Variants in REDIC1 observed in about 807,000 individuals in gnomAD.
The protein encoded by REDIC1 is HEI10 Interacting Protein 1.
At chr12:39,723,400 C>T in the REDIC1 span, among the ~76,000 whole-genome samples, 2 of 151,834 alleles carry the variant, frequency 1.3e-5, no homozygotes, top group South Asian at 2.1e-4. Flanking sequence ...ATTCCTTAGA[C>T]GCTTTAAGGA....
the REDIC1 span, among the ~76,000 whole-genome samples, chr12:39,892,750 G>A: frequency 6.6e-6 from 1 of 152,026 alleles, no homozygotes; most frequent in Non-Finnish European, 1.5e-5. Flanking sequence ...CCAAAGTAGT[G>A]ACAGAAAAGC....
the REDIC1 span, among the ~76,000 whole-genome samples, chr12:39,654,943 C>T: frequency 1.3e-5 from 2 of 152,044 alleles, no homozygotes; most frequent in Admixed American, 1.3e-4. Flanking sequence ...CTAGTTTGTT[C>T]TTGAGTCAAT....
chr12:39,889,664 C>T, the REDIC1 span, among the ~76,000 whole-genome samples: 1 of 151,178 alleles, frequency 6.6e-6, no homozygotes, highest in Non-Finnish European at 1.5e-5. Context: ...TCCTGAGTAG[C>T]TGGGACTACA....
the REDIC1 span, among the ~76,000 whole-genome samples, chr12:39,818,610 C>G: frequency 6.6e-6 from 1 of 152,132 alleles, no homozygotes; most frequent in African/African-American, 2.4e-5. Context: ...TTGTAATCAC[C>G]TTTGAAATTC....
chr12:39,743,971 C>A, the REDIC1 span, among the ~76,000 whole-genome samples: 1 of 151,800 alleles, frequency 6.6e-6, no homozygotes, highest in African/African-American at 2.4e-5. Flanking sequence ...CAAACAAAAC[C>A]CCACAGATAT....
At chr12:39,685,709 C>T in the REDIC1 span, among the ~76,000 whole-genome samples, 2 of 152,292 alleles carry the variant, frequency 1.3e-5, no homozygotes, top group East Asian at 3.9e-4. Flanking sequence ...TCTCCAAAGT[C>T]TTAACTCACT....
At chr12:39,697,009 A>C in the REDIC1 span, among the ~76,000 whole-genome samples, 6 of 152,224 alleles carry the variant, frequency 3.9e-5, no homozygotes, top group Admixed American at 6.5e-5. Context: ...ATATCCAAGT[A>C]TAAGAAGGTT....
the REDIC1 span, among the ~76,000 whole-genome samples, chr12:39,800,333 C>T: frequency 1.3e-4 from 20 of 152,112 alleles, no homozygotes; most frequent in South Asian, 2.7e-3. Context: ...GGATTGAATT[C>T]GCAACCTACT....
the REDIC1 span, among the ~76,000 whole-genome samples, chr12:39,784,679 A>G: frequency 2.0e-5 from 3 of 152,244 alleles, no homozygotes; most frequent in East Asian, 5.8e-4. Flanking sequence ...GGACTTCATG[A>G]CTAAAACACC....
chr12:39,794,628 T>C, the REDIC1 span, among the ~76,000 whole-genome samples: 3 of 152,144 alleles, frequency 2.0e-5, no homozygotes, highest in Non-Finnish European at 4.4e-5. Context: ...AATCCAGCTG[T>C]TTTTGTACTT....
chr12:39,780,355 T>C, the REDIC1 span, among the ~76,000 whole-genome samples: 1 of 152,184 alleles, frequency 6.6e-6, no homozygotes, highest in Non-Finnish European at 1.5e-5. Flanking sequence ...TCTTACTTTT[T>C]ATGGAATTTG....
the REDIC1 span, among the ~76,000 whole-genome samples, chr12:39,780,221 T>C: frequency 6.6e-6 from 1 of 152,222 alleles, no homozygotes; most frequent in Admixed American, 6.5e-5. Flanking sequence ...TTTTTAAATA[T>C]AGTGACTTCC....
the REDIC1 span, chr12:39,646,281 A>C: frequency 3.5e-5 from 22 of 625,162 alleles, 1 homozygote; most frequent in South Asian, 1.1e-3. Flanking sequence ...TACTTTTACA[A>C]TTTTTTATTC....
the REDIC1 span, among the ~76,000 whole-genome samples, chr12:39,844,536 T>A: frequency 0.083 from 12,640 of 152,078 alleles, 698 homozygotes; most frequent in Non-Finnish European, 0.1. Context: ...GTGTTCTTTT[T>A]AGAAAAGAAA....
At chr12:39,764,326 C>T in the REDIC1 span, 1 of 768,382 alleles carries the variant, frequency 1.3e-6, no homozygotes, top group East Asian at 2.9e-5. Flanking sequence ...CTTTGGAGGA[C>T]AAGAAAGCCA....
chr12:39,712,151 TAC>T, the REDIC1 span, among the ~76,000 whole-genome samples: 1 of 143,684 alleles, frequency 7.0e-6, no homozygotes, highest in Non-Finnish European at 1.5e-5. Flanking sequence ...CATACATCTA[TAC>T]ATGTATATGT....
chr12:39,704,857 G>A, the REDIC1 span, among the ~76,000 whole-genome samples: 1 of 151,958 alleles, frequency 6.6e-6, no homozygotes, highest in African/African-American at 2.4e-5. Flanking sequence ...TCACTCATAG[G>A]TGGGAATTGA....
At chr12:39,836,524 A>T in the REDIC1 span, among the ~76,000 whole-genome samples, 918 of 151,822 alleles carry the variant, frequency 6.0e-3, 8 homozygotes, top group African/African-American at 0.021. Context: ...AAGGGTATTC[A>T]ATTAGGAAAA....
At chr12:39,643,266 AAAAC>A in the REDIC1 span, among the ~76,000 whole-genome samples, 1 of 151,740 alleles carries the variant, frequency 6.6e-6, no homozygotes, top group African/African-American at 2.4e-5. Flanking sequence ...TCTTGTTAAA[AAAAC>A]AAACATCTGG....
Sources: allele counts gnomAD v4.1 joint callset (sites outside exome capture counted in the v4.1 genomes callset), GRCh38; gene constraint gnomAD v4.1.1; transcripts MANE v1.5; gene names NCBI Gene and HGNC (gene_info 2026-07-23, HGNC 2026-07-21).